Variants in MTMR9 observed in about 807,000 individuals in gnomAD.
The protein encoded by MTMR9 is myotubularin-related protein 9.
In MTMR9, 39 loss-of-function variants were observed where a neutral mutation model predicts 69.5. That is an observed-to-expected ratio of 0.56 (90% CI 0.43 to 0.73). MTMR9 has a LOEUF of 0.73. MTMR9 is among the 30% of genes least tolerant of loss of function. The pLI, the probability that MTMR9 is intolerant of heterozygous loss-of-function variation, is 0.00. For missense variants in MTMR9, 900 were observed against 671.2 expected (o/e 1.34, Z -3.77); for synonymous variants, 354 against 240.8 (o/e 1.47, Z -4.35).
intron 3 of MTMR9, among the ~76,000 whole-genome samples, chr8:11,302,579 A>G (rs1799788942): frequency 6.6e-6 from 1 of 152,154 alleles, no homozygotes; most frequent in South Asian, 2.1e-4. Flanking sequence ...ATTTGAAGGA[A>G]ATTTATTTAA....
At chr8:11,319,920 T>G in intron 9 of MTMR9, 82 bp downstream of exon 9, 4 of 1,428,388 alleles carry the variant, frequency 2.8e-6, no homozygotes, top group Non-Finnish European at 3.9e-6. Flanking sequence ...TGGTGATGTA[T>G]GAAGATGGTG....
intron 7 of MTMR9, chr8:11,316,392 T>A: frequency 3.9e-6 from 1 of 254,194 alleles, no homozygotes; most frequent in Non-Finnish European, 7.4e-6. Context: ...ATTGCTTAAG[T>A]TCATTATTCT....
At chr8:11,333,623 CTTTAG>C in the MTMR9 span, among the ~76,000 whole-genome samples, 7 of 152,138 alleles carry the variant, frequency 4.6e-5, no homozygotes, top group Admixed American at 1.3e-4. Context: ...ATTATTATAA[CTTTAG>C]TTTATAACAT....
intron 1 of MTMR9, among the ~76,000 whole-genome samples, chr8:11,289,543 T>C (rs1457171675): frequency 1.3e-5 from 2 of 152,162 alleles, no homozygotes; most frequent in Non-Finnish European, 2.9e-5. Context: ...TGATGACTCA[T>C]CATTTTCATG....
chr8:11,291,769 A>G (rs1441924172), intron 1 of MTMR9, among the ~76,000 whole-genome samples: 4 of 151,940 alleles, frequency 2.6e-5, no homozygotes, highest in African/African-American at 7.2e-5. Context: ...TGATATGGAA[A>G]TTTACAAGAG....
Position 11,325,587 on chromosome 8 carries a change from A to G in MTMR9, c.*2799A>G, listed in dbSNP as rs1206134517. 1 of 152,040 alleles carries G rather than the reference A, an allele frequency of 6.6e-6. No individual in the cohort carries two copies. Among genetic ancestry groups the G allele is most frequent in the East Asian group, 1.9e-4 (1 of 5,196 alleles). 9.4% of individuals were successfully genotyped at this position (152,040 alleles called of 1,614,324 possible). ...ACGTAAAGTAGGCCCCACAAATAATATTTTTAAAATACAAAGGATCACCAC... is the reference window on the plus strand; with the variant it reads ...ACGTAAAGTAGGCCCCACAAATAATGTTTTTAAAATACAAAGGATCACCAC... On this transcript the variant is annotated 3_prime_UTR_variant, in exon 10 of 10. Coordinates refer to ENST00000221086, the MANE Select transcript of MTMR9 (RefSeq NM_015458.4).
Position 11,322,811 on chromosome 8 carries a change from A to G in MTMR9, c.*23A>G. The G allele has an allele frequency of 1.9e-6, 3 of 1,602,376 alleles. No individual in the cohort carries two copies. Among genetic ancestry groups the G allele is most frequent in the Admixed American group, 1.7e-5 (1 of 58,098 alleles). On this transcript the variant is annotated 3_prime_UTR_variant, in exon 10 of 10. Transcript: ENST00000221086. ...TGAAAGGTCTCCTCGCACCCTTCGC[A>G]AGGACCTTCTTGGGCCTGTGTCCGC... is the stretch of plus-strand genomic sequence containing the variant.
intron 6 of MTMR9, among the ~76,000 whole-genome samples, chr8:11,311,488 T>C (rs533396461): frequency 2.6e-4 from 40 of 152,368 alleles, no homozygotes; most frequent in Admixed American, 2.3e-3. Context: ...TTTGGTTTTC[T>C]AGTGCATATA....
rs138171871 is a variant in MTMR9 at position 11,294,329 on chromosome 8, A to G, written c.183-865A>G. On this transcript the variant is annotated intron_variant, in intron 1 of 9. Coordinates refer to ENST00000221086, the MANE Select transcript of MTMR9 (RefSeq NM_015458.4). ...CATGATTTTAGAGAGAAATAATTCA[A>G]TCCTTCACCGTTAAGTGTGCTATTA... Among the ~76,000 whole-genome samples, 501 of 152,202 alleles carry G rather than the reference A, an allele frequency of 3.3e-3. 7 individuals are homozygous for G. Among genetic ancestry groups the G allele is most frequent in the East Asian group, 0.018 (92 of 5,184 alleles).
chr8:11,287,979 TTA>T (rs1215095483), intron 1 of MTMR9, among the ~76,000 whole-genome samples: 1 of 123,214 alleles, frequency 8.1e-6, no homozygotes, highest in African/African-American at 3.1e-5. Context: ...TATATATGTA[TTA>T]TATAATATAT....
chr8:11,327,265 A>C lies in MTMR9; in HGVS notation c.*4477A>C, dbSNP rs561229009. 6.6e-6 allele frequency: 1 copy of C among 152,338 alleles called. No homozygotes were observed. The highest frequency in any genetic ancestry group is 1.5e-5 in the Non-Finnish European group (1 of 68,030). 9.4% of individuals were successfully genotyped at this position (152,338 alleles called of 1,614,324 possible). A position where few individuals can be genotyped will look rare whatever the true frequency, so the allele number is the denominator to read the frequency against. ...CAGCTCTTGAACTACACTGTGGAAC[A>C]GTAATTTGTGCCCAATTTAGTGGAA... On this transcript the variant is annotated 3_prime_UTR_variant, in exon 10 of 10. Transcript: ENST00000221086.
the MTMR9 span, among the ~76,000 whole-genome samples, chr8:11,339,069 CA>C: frequency 2.1e-3 from 315 of 152,298 alleles, 2 homozygotes; most frequent in Admixed American, 6.2e-3. Context: ...GTCACAGTGG[CA>C]GAGATTAGCA....
At chr8:11,338,726 A>G in the MTMR9 span, among the ~76,000 whole-genome samples, 1 of 152,108 alleles carries the variant, frequency 6.6e-6, no homozygotes, top group East Asian at 1.9e-4. Context: ...GAAAAATTAC[A>G]TTTTTTGCTC....
chr8:11,336,682 A>C, the MTMR9 span, among the ~76,000 whole-genome samples: 1 of 152,208 alleles, frequency 6.6e-6, no homozygotes, highest in South Asian at 2.1e-4. Flanking sequence ...TCTGCTCGAC[A>C]GGTCCAATAT....
chr8:11,321,225 G>A, intron 9 of MTMR9: 1 of 341,348 alleles, frequency 2.9e-6, no homozygotes, highest in Non-Finnish European at 5.8e-6. Context: ...TGAGGTTCTG[G>A]GTGTGAGCTT....
At chr8:11,337,585 T>G in the MTMR9 span, among the ~76,000 whole-genome samples, 1 of 152,228 alleles carries the variant, frequency 6.6e-6, no homozygotes, top group African/African-American at 2.4e-5. Context: ...TCTAAGAATG[T>G]CAAAACAATT....
In MTMR9 at chr8:11,322,673, A is replaced by G. The variant is rs913217203; in HGVS notation, c.1535A>G (p.Tyr512Cys). 2 of 1,613,916 alleles carry G rather than the reference A, an allele frequency of 1.2e-6. No homozygotes were observed. The highest frequency in any genetic ancestry group is 1.1e-5 in the South Asian group (1 of 91,060). The part of the protein sequence containing the change: ...NRSSKYLDEA[Y>C]EEMVNIIEYN... ...TCCTCTAAGTATTTGGATGAAGCAT[A>G]TGAAGAAATGGTTAACATCATTGAA... The change falls in exon 10 of 10, where the codon TAT becomes TGT. Residue 512 changes from tyrosine (Y) to cysteine (C), a missense_variant. Tyr to Cys is a radical substitution (Grantham distance 194). Transcript: ENST00000221086.
chr8:11,298,183 G>A (rs566519802), intron 2 of MTMR9, among the ~76,000 whole-genome samples: 1 of 152,210 alleles, frequency 6.6e-6, no homozygotes, highest in African/African-American at 2.4e-5. Context: ...GTGTTTAAAG[G>A]AAAAGACCTC....
chr8:11,296,299 G>A (rs1799557557), intron 2 of MTMR9, among the ~76,000 whole-genome samples: 1 of 152,112 alleles, frequency 6.6e-6, no homozygotes, highest in Non-Finnish European at 1.5e-5. Context: ...TAGTTGATGT[G>A]TGTAGAATGG....
Sources: gnomAD v4.1 joint callset for allele counts (sites outside exome capture counted in the v4.1 genomes callset) on GRCh38, gnomAD v4.1.1 for gene constraint, MANE v1.5 for transcripts, NCBI Gene and HGNC (gene_info 2026-07-23, HGNC 2026-07-21) for gene names.